CACNA2D3: variants seen among roughly 807,000 people sequenced by gnomAD.
The protein encoded by CACNA2D3 is calcium voltage-gated channel auxiliary subunit alpha2delta 3, also known as voltage-dependent calcium channel subunit alpha-2/delta-3.
In CACNA2D3, 60 loss-of-function variants were observed where a neutral mutation model predicts 160.6. The ratio of observed to expected loss-of-function variants is 0.37; its 90% CI spans 0.30 to 0.46. The LOEUF (loss-of-function observed/expected upper bound fraction) is 0.46. Ranked by LOEUF, CACNA2D3 falls within the 20% of genes least tolerant of loss-of-function variation. The pLI is 1.00. For missense variants in CACNA2D3, 1,205 were observed against 1,365.0 expected, an observed-to-expected ratio of 0.88 and a Z score of 1.85; for synonymous variants, 558 against 492.9, an observed-to-expected ratio of 1.13 and a Z score of -1.75.
intron 3 of CACNA2D3, among the ~76,000 whole-genome samples, chr3:54,325,983 T>G (rs1348785598): frequency 2.0e-5 from 3 of 152,174 alleles, no homozygotes; most frequent in African/African-American, 7.2e-5. Flanking sequence ...GAGACTAGAT[T>G]TTATATTAAG....
intron 11 of CACNA2D3, among the ~76,000 whole-genome samples, chr3:54,661,578 A>C (rs1170355719): frequency 6.6e-6 from 1 of 152,200 alleles, no homozygotes; most frequent in African/African-American, 2.4e-5. Flanking sequence ...CTACAGGTAC[A>C]TTAAAAAAAT....
At chr3:54,532,774 A>G (rs1328547463) in intron 5 of CACNA2D3, among the ~76,000 whole-genome samples, 1 of 152,162 alleles carries the variant, frequency 6.6e-6, no homozygotes, top group Non-Finnish European at 1.5e-5. Flanking sequence ...GGATGCATGG[A>G]TCTTTTTGAT....
At chr3:55,007,662 G>A (rs760508179) in intron 32 of CACNA2D3, 128 bp from the exon 33 acceptor site, 29 of 624,190 alleles carry the variant, frequency 4.6e-5, no homozygotes, top group Non-Finnish European at 6.0e-5. Flanking sequence ...TAGCTAGAAC[G>A]CCACTGTTTT....
At chr3:54,988,812 GA>G (rs893745551) in intron 31 of CACNA2D3, among the ~76,000 whole-genome samples, 9 of 148,916 alleles carry the variant, frequency 6.0e-5, no homozygotes, top group South Asian at 2.1e-4. Context: ...CAGAAGGGAA[GA>G]AAAAAAAAAG....
At chr3:54,337,922 G>C (rs1285445134) in intron 3 of CACNA2D3, among the ~76,000 whole-genome samples, 1 of 152,122 alleles carries the variant, frequency 6.6e-6, no homozygotes, top group South Asian at 2.1e-4. Flanking sequence ...TCAAGCCATG[G>C]ACACCCCTTT....
chr3:54,601,328 CT>C (rs1358493011), intron 9 of CACNA2D3, among the ~76,000 whole-genome samples: 28 of 152,302 alleles, frequency 1.8e-4, no homozygotes, highest in African/African-American at 6.3e-4. Context: ...CTCAGTCAGT[CT>C]CCTGAGTAGC....
intron 29 of CACNA2D3, among the ~76,000 whole-genome samples, chr3:54,980,642 G>A (rs946366810): frequency 2.6e-5 from 4 of 152,126 alleles, no homozygotes; most frequent in African/African-American, 7.2e-5. Flanking sequence ...ACTAGGTGCC[G>A]AGCCTAGGAC....
chr3:54,847,601 C>A (rs1391080408), intron 17 of CACNA2D3, among the ~76,000 whole-genome samples: 1 of 152,220 alleles, frequency 6.6e-6, no homozygotes, highest in Non-Finnish European at 1.5e-5. Flanking sequence ...ATGACCACAT[C>A]ATGTGGATGC....
rs140555460 is a variant in CACNA2D3 at position 54,981,198 on chromosome 3, T to A, written c.2557-3410T>A. 2.2e-4 allele frequency among the ~76,000 whole-genome samples: 34 copies of A among 152,316 alleles called. No individual in the cohort carries two copies. The East Asian group carries it at 6.2e-3, about 28-fold the overall frequency. On this transcript the variant is annotated intron_variant, in intron 29 of 37. Transcript: ENST00000474759. ...ATGTCATCCAGTTCTTTTTTCTTTT[T>A]TCAGGGATGTGCAGCAAAGTTTTTA...
At chr3:54,554,777 G>A (rs190402572) in intron 5 of CACNA2D3, among the ~76,000 whole-genome samples, 1 of 152,012 alleles carries the variant, frequency 6.6e-6, no homozygotes, top group Admixed American at 6.5e-5. Flanking sequence ...TGCTGTTCAG[G>A]TGCTACCCAG....
chr3:54,739,646 C>G (rs547771686), intron 11 of CACNA2D3, among the ~76,000 whole-genome samples: 28 of 151,878 alleles, frequency 1.8e-4, no homozygotes, highest in Non-Finnish European at 3.2e-4. Context: ...GAGCTGGGGC[C>G]ATAGAGTCCA....
At chr3:54,219,922 C>T (rs1281114165) in intron 2 of CACNA2D3, among the ~76,000 whole-genome samples, 1 of 152,108 alleles carries the variant, frequency 6.6e-6, no homozygotes, top group Admixed American at 6.5e-5. Flanking sequence ...TACTATCTTT[C>T]CTTACTAACC....
chr3:54,922,909 C>T (rs188870058), intron 27 of CACNA2D3, among the ~76,000 whole-genome samples: 1 of 152,206 alleles, frequency 6.6e-6, no homozygotes, highest in East Asian at 1.9e-4. Flanking sequence ...ATAGACTTTC[C>T]CATAATTATG....
At chr3:54,918,469 G>A (rs990911720) in intron 27 of CACNA2D3, 3 of 1,612,494 alleles carry the variant, frequency 1.9e-6, no homozygotes, top group Middle Eastern at 1.7e-4. Flanking sequence ...TCAGGCTGGT[G>A]AGCTGTCAAA....
chr3:54,683,946 G>T (rs1434238262), intron 11 of CACNA2D3, among the ~76,000 whole-genome samples: 2 of 143,374 alleles, frequency 1.4e-5, no homozygotes, highest in African/African-American at 5.2e-5. Flanking sequence ...CTGTGTGTCT[G>T]TGCCCAAATT....
chr3:54,540,516 C>T (rs747011711), intron 5 of CACNA2D3, among the ~76,000 whole-genome samples: 11 of 152,064 alleles, frequency 7.2e-5, no homozygotes, highest in African/African-American at 2.4e-4. Context: ...CGTGGGAAAT[C>T]GTCAGACAGG....
chr3:54,468,461 C>T (rs1700668280), intron 4 of CACNA2D3, among the ~76,000 whole-genome samples: 2 of 152,148 alleles, frequency 1.3e-5, no homozygotes, highest in Non-Finnish European at 2.9e-5. Flanking sequence ...CCTCGGGTGC[C>T]TAGGCCACCA....
chr3:54,670,849 T>C (rs937858221), intron 11 of CACNA2D3, among the ~76,000 whole-genome samples: 1 of 152,202 alleles, frequency 6.6e-6, no homozygotes, highest in African/African-American at 2.4e-5. Context: ...CCTGGCTCAC[T>C]GGGAATGGCT....
intron 5 of CACNA2D3, among the ~76,000 whole-genome samples, chr3:54,506,195 G>C (rs1414620185): frequency 2.0e-5 from 3 of 151,870 alleles, no homozygotes; most frequent in Non-Finnish European, 4.4e-5. Context: ...TCCTTTTCAA[G>C]CTGCAGGAAT....
Sources: gnomAD v4.1 joint callset for allele counts (sites outside exome capture counted in the v4.1 genomes callset) on GRCh38, gnomAD v4.1.1 for gene constraint, MANE v1.5 for transcripts, NCBI Gene and HGNC (gene_info 2026-07-23, HGNC 2026-07-21) for gene names.